DNMT3A: variants seen among roughly 807,000 people sequenced by gnomAD.
DNMT3A encodes DNA methyltransferase 3 alpha.
A neutral mutation model predicts 117.6 loss-of-function variants in DNMT3A; 267 were observed. The observed-to-expected ratio is 2.27, with a 90% CI of 2.05 to 2.51. The LOEUF is 2.51. Ranked by LOEUF, DNMT3A falls within the 30% of genes most tolerant of loss-of-function variation. DNMT3A has a pLI of 0.00. For missense variants in DNMT3A, 1,029 were observed against 1,260.2 expected, an observed-to-expected ratio of 0.82 and a Z score of 2.78; for synonymous variants, 432 against 474.8, an observed-to-expected ratio of 0.91 and a Z score of 1.17.
intron 2 of DNMT3A, among the ~76,000 whole-genome samples, chr2:25,310,827 C>T (rs151199236): frequency 2.5e-4 from 38 of 152,312 alleles, no homozygotes; most frequent in Non-Finnish European, 5.0e-4. Context: ...GTTAAAGGTG[C>T]CCGGCTGGGT....
At position 25,237,177 on chromosome 2, in the gene DNMT3A, G is replaced by A. The variant is rs78444080; in HGVS notation, c.2409-172C>T. ...CTCTTCAAACTCCCCGCAAACACAC[G>A]AACACACACTGCAGCCATGCAAAGA... is the stretch of plus-strand genomic sequence containing the variant. On this transcript the variant is annotated intron_variant, in intron 20 of 22. Transcript: ENST00000321117. This position sits in a 1 kb window ranked among gnomAD's most constrained non-coding sequence, Gnocchi z 5.4. Among the ~76,000 whole-genome samples the A allele has an allele frequency of 5.0e-3, 754 of 152,136 alleles. 7 individuals carry two copies. Among genetic ancestry groups the A allele is most frequent in the African/African-American group, 0.017 (722 of 41,494 alleles).
At chr2:25,300,717 ATATATATATAT>A (rs1294398741) in intron 2 of DNMT3A, among the ~76,000 whole-genome samples, 1 of 3,880 alleles carries the variant, frequency 2.6e-4, no homozygotes, top group East Asian at 6.3e-3. Context: ...AATATAATAT[ATATATATATAT>A]ATATATATAT....
At chr2:25,338,524 G>A (rs77579741) in intron 1 of DNMT3A, among the ~76,000 whole-genome samples, 171 of 152,244 alleles carry the variant, frequency 1.1e-3, no homozygotes, top group African/African-American at 3.9e-3. Context: ...ACAGCAGCAG[G>A]GGGAAGGGAG....
intron 6 of DNMT3A, among the ~76,000 whole-genome samples, chr2:25,272,933 C>T (rs972726276): frequency 3.2e-4 from 48 of 149,608 alleles, no homozygotes; most frequent in Non-Finnish European, 8.9e-5. Context: ...TCTTGAGTAG[C>T]TGGGACTATA....
At chr2:25,328,272 G>A (rs2034863780) in intron 1 of DNMT3A, among the ~76,000 whole-genome samples, 1 of 152,124 alleles carries the variant, frequency 6.6e-6, no homozygotes, top group African/African-American at 2.4e-5. Flanking sequence ...GCTCTGGCCT[G>A]GTCTCACCAG....
At chr2:25,261,885 T>C (rs1397304636) in intron 6 of DNMT3A, among the ~76,000 whole-genome samples, 2 of 152,006 alleles carry the variant, frequency 1.3e-5, no homozygotes, top group Admixed American at 1.3e-4. Flanking sequence ...CCCTGGAATC[T>C]GACTAAACCT....
intron 3 of DNMT3A, among the ~76,000 whole-genome samples, chr2:25,295,612 T>A (rs2033042305): frequency 6.6e-6 from 1 of 152,196 alleles, no homozygotes; most frequent in Admixed American, 6.5e-5. Flanking sequence ...AGAGAACCCC[T>A]GGGTAGGTAC....
intron 3 of DNMT3A, among the ~76,000 whole-genome samples, chr2:25,290,905 C>A (rs748228232): frequency 6.6e-6 from 1 of 152,184 alleles, no homozygotes; most frequent in African/African-American, 2.4e-5. Flanking sequence ...GATGCAGGGG[C>A]GACCTCACCT....
rs2149415760 is a variant in DNMT3A, at chr2:25,306,114, G to C, written c.73-5871C>G. ...TGGCTTCTGCAAGAGGCAGAGCCCT[G>C]TCCTGGGTTGCCTGAGCACCAGGCT... On this transcript the variant is annotated intron_variant, in intron 2 of 22. Coordinates refer to ENST00000321117, the MANE Select transcript of DNMT3A (RefSeq NM_022552.5). The surrounding 1 kb of genome is among the most constrained non-coding windows in gnomAD (Gnocchi z 4.1). Among the ~76,000 whole-genome samples, 1 of 152,332 alleles carries C rather than the reference G, an allele frequency of 6.6e-6. No individual in the cohort carries two copies. Among genetic ancestry groups the C allele is most frequent in the East Asian group, 1.9e-4 (1 of 5,174 alleles).
chr2:25,286,997 G>T lies in DNMT3A; in HGVS notation c.178-4286C>A, dbSNP rs1438742751. Among the ~76,000 whole-genome samples, 3 of 152,222 alleles carry T rather than the reference G, an allele frequency of 2.0e-5. No individual in the cohort carries two copies. Among genetic ancestry groups the T allele is most frequent in the Admixed American group, 2.0e-4 (3 of 15,292 alleles). ...AGACTTAGCAGGGAGTGGGGCACCTGACAGGTGCTCAGACAATATTCACAA... is the reference window on the plus strand; with the variant it reads ...AGACTTAGCAGGGAGTGGGGCACCTTACAGGTGCTCAGACAATATTCACAA... On this transcript the variant is annotated intron_variant, in intron 3 of 22. Coordinates refer to ENST00000321117, the MANE Select transcript of DNMT3A (RefSeq NM_022552.5). This position sits in a 1 kb window ranked among gnomAD's most constrained non-coding sequence, Gnocchi z 4.3.
chr2:25,263,873 G>A (rs1273903055), intron 6 of DNMT3A, among the ~76,000 whole-genome samples: 1 of 152,182 alleles, frequency 6.6e-6, no homozygotes, highest in Non-Finnish European at 1.5e-5. Context: ...CCTTCCCTGA[G>A]GCCCTTAGGC....
At position 25,257,887 on chromosome 2, in the gene DNMT3A, C is replaced by T. The variant is rs1325052156; in HGVS notation, c.640-9635G>A. 6.6e-6 allele frequency among the ~76,000 whole-genome samples: 1 copy of T among 152,182 alleles called. No homozygotes were observed. Among genetic ancestry groups the T allele is most frequent in the Non-Finnish European group, 1.5e-5 (1 of 68,030 alleles). On this transcript the variant is annotated intron_variant, in intron 6 of 22. Coordinates refer to ENST00000321117, the MANE Select transcript of DNMT3A (RefSeq NM_022552.5). The surrounding 1 kb of genome is among the most constrained non-coding windows in gnomAD (Gnocchi z 4.8). ...CTGTTACAAATGAGAACACTGAGGC[C>T]TAGAGAGGCCCGAGCCCACCTGAAA...
intron 6 of DNMT3A, among the ~76,000 whole-genome samples, chr2:25,251,644 C>T (rs891080855): frequency 6.6e-6 from 1 of 152,234 alleles, no homozygotes; most frequent in African/African-American, 2.4e-5. Context: ...GTGTCACAGG[C>T]CGGCCCCCTG....
At chr2:25,253,920 A>C in intron 6 of DNMT3A, among the ~76,000 whole-genome samples, 1 of 152,118 alleles carries the variant, frequency 6.6e-6, no homozygotes. Flanking sequence ...AAAAATACAA[A>C]AATTAGCCAG....
At chr2:25,276,506 T>C (rs1466476274) in intron 4 of DNMT3A, among the ~76,000 whole-genome samples, 1 of 152,216 alleles carries the variant, frequency 6.6e-6, no homozygotes, top group Non-Finnish European at 1.5e-5. Context: ...ATTTCCCTAT[T>C]GAGACCTTGC....
chr2:25,290,806 G>C (rs1013836742), intron 3 of DNMT3A, among the ~76,000 whole-genome samples: 1 of 146,412 alleles, frequency 6.8e-6, no homozygotes. Flanking sequence ...CTGTGGGGGT[G>C]GGGGGTGGGT....
chr2:25,298,883 G>T lies in DNMT3A; in HGVS notation c.177+1256C>A, dbSNP rs1004030028. Among the ~76,000 whole-genome samples the T allele has an allele frequency of 6.6e-6, 1 of 151,824 alleles. No individual in the cohort carries two copies. Among genetic ancestry groups the T allele is most frequent in the Non-Finnish European group, 1.5e-5 (1 of 67,962 alleles). On this transcript the variant is annotated intron_variant, in intron 3 of 22. Transcript: ENST00000321117. This position sits in a 1 kb window ranked among gnomAD's most constrained non-coding sequence, Gnocchi z 4.3. ...CAAATCTTCAGGCAGAACTGGCAGG[G>T]GTGCATCTCAGTACACAGCAGGTTC...
In DNMT3A at chr2:25,252,284, G is replaced by A. The variant is rs1250078643; in HGVS notation, c.640-4032C>T. 1.4e-6 allele frequency: 2 copies of A among 1,401,550 alleles called. No individual in the cohort carries two copies. Among genetic ancestry groups the A allele is most frequent in the Non-Finnish European group, 1.9e-6 (2 of 1,053,166 alleles). The allele number at this position is 1,401,550 out of a possible 1,614,324, so 86.8% of individuals were successfully genotyped here. On this transcript the variant is annotated intron_variant, in intron 6 of 22. Transcript: ENST00000321117. The surrounding 1 kb of genome is among the most constrained non-coding windows in gnomAD (Gnocchi z 5.5). ...GAAGTAGCTGCCCGTCTTGGGGGAG[G>A]GGAAGGGGGCGATGGGGCTGGGGGC...
intron 6 of DNMT3A, chr2:25,251,917 C>T: frequency 2.1e-6 from 1 of 480,592 alleles, no homozygotes; most frequent in South Asian, 3.0e-5. Context: ...GTTACCACTG[C>T]CCGGGCTCCC....
Sources: allele counts gnomAD v4.1 joint callset (sites outside exome capture counted in the v4.1 genomes callset), GRCh38; gene constraint gnomAD v4.1.1; non-coding constraint Gnocchi (gnomAD v3.1); transcripts MANE v1.5; gene names NCBI Gene and HGNC (gene_info 2026-07-23, HGNC 2026-07-21).